CCAR1: variants seen among roughly 807,000 people sequenced by gnomAD.
CCAR1 encodes cell division cycle and apoptosis regulator 1, also known as cell division cycle and apoptosis regulator protein 1.
A neutral mutation model predicts 163.8 loss-of-function variants in CCAR1; 78 were observed. That is an observed-to-expected ratio of 0.48 (90% CI 0.40 to 0.57). CCAR1 has a LOEUF of 0.57. Ranked by LOEUF, CCAR1 falls within the 20% of genes least tolerant of loss-of-function variation. The pLI is 0.00. For synonymous variants in CCAR1, 443 were observed against 460.7 expected (o/e 0.96, Z 0.49); for missense variants, 1,019 against 1,365.2 (o/e 0.75, Z 4.00).
At chr10:68,747,675 A>G in intron 8 of CCAR1, 109 bp downstream of exon 8, 1 of 942,996 alleles carries the variant, frequency 1.1e-6, no homozygotes, top group Non-Finnish European at 1.6e-6. Flanking sequence ...CTTGAAGCCT[A>G]AAAATCCTGA....
At chr10:68,759,998 C>G (rs2056448455) in intron 15 of CCAR1, among the ~76,000 whole-genome samples, 1 of 151,956 alleles carries the variant, frequency 6.6e-6, no homozygotes, top group Non-Finnish European at 1.5e-5. Flanking sequence ...CCATGCCTGG[C>G]TAATTTTTTT....
chr10:68,772,198 A>T (rs1364177364), intron 18 of CCAR1, among the ~76,000 whole-genome samples: 1 of 152,094 alleles, frequency 6.6e-6, no homozygotes, highest in African/African-American at 2.4e-5. Context: ...TTATACATTT[A>T]TAGTATGGGC....
Position 68,731,074 on chromosome 10 carries a change from GTATC to G in CCAR1, c.74-5798_74-5795del, listed in dbSNP as rs201854483. ...TTGTGATATAAATACATAGTGATAA[GTATC>G]TATTGTGATTGTGGTATGGGACCTT... On this transcript the variant is annotated intron_variant, in intron 2 of 24. Transcript: ENST00000265872. Among the ~76,000 whole-genome samples the G allele has an allele frequency of 5.8e-3, 877 of 152,282 alleles. 12 individuals are homozygous for G. Among genetic ancestry groups the G allele is most frequent in the African/African-American group, 0.02 (835 of 41,540 alleles).
intron 11 of CCAR1, 55 bp from the exon 12 acceptor site, chr10:68,754,659 A>G: frequency 3.4e-6 from 3 of 887,678 alleles, no homozygotes; most frequent in Non-Finnish European, 5.5e-6. Flanking sequence ...AGTGCTTCTC[A>G]TTTTTTCACA....
rs780433706 is a variant in CCAR1 at position 68,788,123 on chromosome 10, T to C, written c.3002-20T>C. 2.6e-6 allele frequency: 4 copies of C among 1,533,154 alleles called. No individual in the cohort carries two copies. Among genetic ancestry groups the C allele is most frequent in the South Asian group, 1.3e-5 (1 of 78,348 alleles). The allele number at this position is 1,533,154 out of a possible 1,614,324, so 95.0% of individuals were successfully genotyped here. A position where few individuals can be genotyped will look rare whatever the true frequency, so the allele number is the denominator to read the frequency against. On this transcript the variant is annotated intron_variant, in intron 22 of 24. Transcript: ENST00000265872. Reference sequence around the variant, plus strand: ...AGAAGAAAAATAACTTACTAAAATATGGTATATTTTATATTATAGGAAACA... The same window carrying C: ...AGAAGAAAAATAACTTACTAAAATACGGTATATTTTATATTATAGGAAACA...
intron 19 of CCAR1, among the ~76,000 whole-genome samples, chr10:68,776,792 C>T (rs961696975): frequency 6.6e-6 from 1 of 152,062 alleles, no homozygotes; most frequent in African/African-American, 2.4e-5. Flanking sequence ...TCAAGCAGTC[C>T]TCTGCCTTGG....
intron 9 of CCAR1, 30 bp downstream of exon 9, chr10:68,749,295 T>G (rs760285299): frequency 6.3e-7 from 1 of 1,575,340 alleles, no homozygotes; most frequent in Admixed American, 1.9e-5. Flanking sequence ...CTGTGGATGG[T>G]GGCAATGGTT....
chr10:68,781,523 G>T (rs1486267101), intron 19 of CCAR1, among the ~76,000 whole-genome samples: 1 of 152,066 alleles, frequency 6.6e-6, no homozygotes, highest in Non-Finnish European at 1.5e-5. Flanking sequence ...CTGGGCAACA[G>T]AGCAAGACTC....
chr10:68,729,026 A>G (rs1355241083), intron 2 of CCAR1, among the ~76,000 whole-genome samples: 1 of 151,930 alleles, frequency 6.6e-6, no homozygotes, highest in African/African-American at 2.4e-5. Flanking sequence ...TCTGCTTTGT[A>G]TAATATGATA....
intron 19 of CCAR1, among the ~76,000 whole-genome samples, chr10:68,784,219 T>A (rs1777292164): frequency 6.6e-6 from 1 of 151,862 alleles, no homozygotes; most frequent in Admixed American, 6.6e-5. Context: ...TCTATTTATA[T>A]ATTTATTTAT....
Position 68,726,211 on chromosome 10 carries a change from G to T in CCAR1, c.73+3634G>T, listed in dbSNP as rs187492339. On this transcript the variant is annotated intron_variant, in intron 2 of 24. Transcript: ENST00000265872. ...CTGTTGCCCAGGCTGGAGTGCAGTG[G>T]CATGATCTTGGCTCACTGCAAGCTC... 2.6e-4 allele frequency among the ~76,000 whole-genome samples: 39 copies of T among 151,528 alleles called. No homozygotes were observed. In the East Asian group the frequency reaches 7.2e-3, roughly 28 times the overall value.
At chr10:68,747,952 C>G (rs1230579233) in intron 8 of CCAR1, among the ~76,000 whole-genome samples, 1 of 152,100 alleles carries the variant, frequency 6.6e-6, no homozygotes, top group South Asian at 2.1e-4. Context: ...CTCCCCAGTT[C>G]AAGCTCTTCT....
chr10:68,745,541 G>A (rs1195868616), intron 6 of CCAR1, among the ~76,000 whole-genome samples: 1 of 150,552 alleles, frequency 6.6e-6, no homozygotes, highest in Non-Finnish European at 1.5e-5. Context: ...TCGGCTCACT[G>A]CAGCCTCTGC....
At chr10:68,763,764 C>T (rs944295140) in intron 16 of CCAR1, among the ~76,000 whole-genome samples, 1 of 152,168 alleles carries the variant, frequency 6.6e-6, no homozygotes, top group South Asian at 2.1e-4. Flanking sequence ...GAGTTATTTT[C>T]GTGATGAAAT....
chr10:68,749,095 G>C, intron 8 of CCAR1, 41 bp from the exon 9 acceptor site: 1 of 1,612,088 alleles, frequency 6.2e-7, no homozygotes, highest in Non-Finnish European at 8.5e-7. Context: ...TTCGAACTTT[G>C]TTTAGACACG....
chr10:68,758,259 T>G (rs1370542773), intron 15 of CCAR1, among the ~76,000 whole-genome samples: 1 of 151,976 alleles, frequency 6.6e-6, no homozygotes, highest in Non-Finnish European at 1.5e-5. Flanking sequence ...TTTGCCATAT[T>G]GGTCAGGCCG....
intron 19 of CCAR1, among the ~76,000 whole-genome samples, chr10:68,783,109 T>C (rs1419972923): frequency 6.6e-6 from 1 of 151,524 alleles, no homozygotes; most frequent in Non-Finnish European, 1.5e-5. Flanking sequence ...CCTCAAATTA[T>C]CTCCCACCTC....
At chr10:68,751,787 C>T (rs1380447981) in intron 10 of CCAR1, among the ~76,000 whole-genome samples, 2 of 151,644 alleles carry the variant, frequency 1.3e-5, no homozygotes, top group African/African-American at 4.8e-5. Flanking sequence ...TCGCTTGAAC[C>T]CGGGAGGCAG....
intron 4 of CCAR1, among the ~76,000 whole-genome samples, chr10:68,740,147 A>G (rs2056164592): frequency 6.6e-6 from 1 of 152,190 alleles, no homozygotes; most frequent in Non-Finnish European, 1.5e-5. Flanking sequence ...ATATTGAGTC[A>G]TTTCTGTAGC....
Sources: allele counts gnomAD v4.1 joint callset (sites outside exome capture counted in the v4.1 genomes callset), GRCh38; gene constraint gnomAD v4.1.1; transcripts MANE v1.5; gene names NCBI Gene and HGNC (gene_info 2026-07-23, HGNC 2026-07-21).